The following GLRA1 variants were observed in gnomAD, a reference collection of about 807,000 sequenced individuals.
GLRA1 encodes the protein glycine receptor subunit alpha-1.
A neutral mutation model predicts 48.3 loss-of-function variants in GLRA1; 37 were observed. The observed-to-expected ratio is 0.77, with a 90% CI of 0.59 to 1.01. GLRA1 has a LOEUF of 1.01. GLRA1 is among the 50% of genes least tolerant of loss of function. The probability of loss-of-function intolerance (pLI) is 0.00; values close to 1 mark genes in which losing one functional copy is unlikely to be tolerated. For missense variants in GLRA1, 427 were observed against 571.0 expected (o/e 0.75, Z 2.57); for synonymous variants, 196 against 210.7 (o/e 0.93, Z 0.60).
Position 151,892,441 on chromosome 5 carries a change from A to T in GLRA1, c.57-3T>A. On this transcript the variant is annotated splice_region_variant and splice_polypyrimidine_tract_variant and intron_variant, in intron 1 of 8. Coordinates refer to ENST00000274576, the MANE Select transcript of GLRA1 (RefSeq NM_000171.4). ...CAGCCTCCTTAGAAGCAGCAAGGCT[A>T]AGGAGGAAGAGAGGAGAGCAAAAGG... The T allele has an allele frequency of 1.2e-6, 2 of 1,613,928 alleles. No individual in the cohort carries two copies. The highest frequency in any genetic ancestry group is 1.1e-5 in the South Asian group (1 of 91,062).
intron 3 of GLRA1, among the ~76,000 whole-genome samples, chr5:151,879,008 A>G (rs1753694529): frequency 6.6e-6 from 1 of 152,184 alleles, no homozygotes. Context: ...TCCACTGACA[A>G]CTTGCACTGT....
intron 3 of GLRA1, among the ~76,000 whole-genome samples, chr5:151,862,060 A>G (rs1026629564): frequency 6.6e-6 from 1 of 152,238 alleles, no homozygotes; most frequent in Non-Finnish European, 1.5e-5. Context: ...CCAAAACAAC[A>G]TTGTACTGGT....
intron 7 of GLRA1, among the ~76,000 whole-genome samples, chr5:151,845,828 A>G (rs1752659787): frequency 6.6e-6 from 1 of 152,254 alleles, no homozygotes; most frequent in Non-Finnish European, 1.5e-5. Context: ...TAACTGCTGA[A>G]TGGATAACAA....
At chr5:151,915,390 A>G (rs567214569) in intron 1 of GLRA1, among the ~76,000 whole-genome samples, 1 of 152,286 alleles carries the variant, frequency 6.6e-6, no homozygotes, top group South Asian at 2.1e-4. Flanking sequence ...AGTTCTTATT[A>G]TCTACTTGGA....
rs182733102 is a variant in GLRA1 at position 151,870,337 on chromosome 5, T to C, written c.253-10329A>G. On this transcript the variant is annotated intron_variant, in intron 3 of 8. Transcript: ENST00000274576. ...CCTGGAAAGAGGAAAGCTGATAGTG[T>C]TGGCAGTGCAGGGCACAATGGTGAG... Among the ~76,000 whole-genome samples, 21 of 149,786 alleles carry C rather than the reference T, an allele frequency of 1.4e-4. No homozygotes were observed. In the East Asian group the frequency reaches 3.7e-3, roughly 26 times the overall value.
intron 7 of GLRA1, among the ~76,000 whole-genome samples, chr5:151,842,447 T>C (rs1763735557): frequency 6.6e-6 from 1 of 151,760 alleles, no homozygotes; most frequent in Non-Finnish European, 1.5e-5. Flanking sequence ...AGGAATGCAA[T>C]GTTAGTTGAA....
At chr5:151,918,191 G>A (rs1380546228) in intron 1 of GLRA1, among the ~76,000 whole-genome samples, 2 of 152,180 alleles carry the variant, frequency 1.3e-5, no homozygotes, top group East Asian at 1.9e-4. Flanking sequence ...GTGTGGATAA[G>A]CCCCTCTCCC....
intron 3 of GLRA1, among the ~76,000 whole-genome samples, chr5:151,883,507 A>G (rs1382254988): frequency 6.6e-6 from 1 of 152,112 alleles, no homozygotes; most frequent in African/African-American, 2.4e-5. Context: ...ATCTGTACAA[A>G]CCTCCGTTTC....
At chr5:151,921,483 C>CAA (rs1283080856) in intron 1 of GLRA1, among the ~76,000 whole-genome samples, 1 of 152,220 alleles carries the variant, frequency 6.6e-6, no homozygotes, top group Non-Finnish European at 1.5e-5. Flanking sequence ...AAACATCCCA[C>CAA]AATGCCCAGG....
Position 151,886,884 on chromosome 5 carries a change from G to A in GLRA1, c.185-96C>T, listed in dbSNP as rs115056779. On this transcript the variant is annotated intron_variant, in intron 2 of 8. Coordinates refer to ENST00000274576, the MANE Select transcript of GLRA1 (RefSeq NM_000171.4). ...AGAACACTGACTTCTGGAATGGATC[G>A]CCTTTGGTGGAGGAGATCCTTGCTT... 2,007 of 901,038 alleles carry A rather than the reference G, an allele frequency of 2.2e-3. 42 individuals carry two copies. The African/African-American group carries it at 0.028, about 12-fold the overall frequency. The allele number at this position is 901,038 out of a possible 1,614,324, so 55.8% of individuals were successfully genotyped here.
intron 2 of GLRA1, among the ~76,000 whole-genome samples, chr5:151,890,262 G>T (rs936543781): frequency 3.3e-5 from 5 of 152,124 alleles, no homozygotes; most frequent in African/African-American, 1.2e-4. Context: ...ATTTATGAAG[G>T]TTTACTGGGG....
At chr5:151,874,886 T>C (rs545906753) in intron 3 of GLRA1, among the ~76,000 whole-genome samples, 1 of 152,116 alleles carries the variant, frequency 6.6e-6, no homozygotes, top group South Asian at 2.1e-4. Context: ...CGATTTGCAG[T>C]TTAAAATGAT....
intron 2 of GLRA1, 152 bp from the exon 3 acceptor site, chr5:151,886,940 T>G: frequency 1.4e-6 from 1 of 694,312 alleles, no homozygotes; most frequent in African/African-American, 1.7e-5. Context: ...GCACCTGGGA[T>G]TCCCAGCCAC....
chr5:151,833,752 C>T (rs986944848), intron 7 of GLRA1, among the ~76,000 whole-genome samples: 11 of 129,966 alleles, frequency 8.5e-5, no homozygotes, highest in Middle Eastern at 5.1e-3. Context: ...CATGAGCAAT[C>T]GTGTCTGGCA....
At chr5:151,868,192 A>AG (rs1253269289) in intron 3 of GLRA1, among the ~76,000 whole-genome samples, 2 of 152,214 alleles carry the variant, frequency 1.3e-5, no homozygotes, top group Non-Finnish European at 1.5e-5. Context: ...AGTCTCCCTC[A>AG]GGGGCACACA....
chr5:151,833,796 C>CAAAAAAAAAAAAAAAAAA (rs757336792), intron 7 of GLRA1, among the ~76,000 whole-genome samples: 1 of 64,778 alleles, frequency 1.5e-5, no homozygotes, highest in Non-Finnish European at 2.8e-5. Context: ...AAGTGGAAAG[C>CAAAAAAAAAAAAAAAAAA]AAAAAAAAAA....
At chr5:151,921,784 T>C (rs1754881244) in intron 1 of GLRA1, among the ~76,000 whole-genome samples, 1 of 152,188 alleles carries the variant, frequency 6.6e-6, no homozygotes. Context: ...AACATTTAGG[T>C]TATTGACTCT....
rs747595543 is a variant in GLRA1, at chr5:151,924,563, G to A, written c.-14C>T. 1.8e-5 allele frequency: 28 copies of A among 1,560,208 alleles called. No individual in the cohort carries two copies. In the East Asian group the frequency reaches 6.0e-4, roughly 34 times the overall value. ...GAAGCTGTACATTTTTCAGGTCCTTGTGCTTTGTAGTCCACGAGTTATGGG... is the reference window on the plus strand; with the variant it reads ...GAAGCTGTACATTTTTCAGGTCCTTATGCTTTGTAGTCCACGAGTTATGGG... On this transcript the variant is annotated 5_prime_UTR_variant, in exon 1 of 9. Transcript: ENST00000274576.
intron 1 of GLRA1, 110 bp downstream of exon 1, chr5:151,924,384 G>T: frequency 1.2e-6 from 1 of 800,878 alleles, no homozygotes; most frequent in Non-Finnish European, 2.3e-6. Context: ...GATTGCAGTG[G>T]AATACAGCAC....
Sources: gnomAD v4.1 joint callset for allele counts (sites outside exome capture counted in the v4.1 genomes callset) on GRCh38, gnomAD v4.1.1 for gene constraint, MANE v1.5 for transcripts, NCBI Gene and HGNC (gene_info 2026-07-23, HGNC 2026-07-21) for gene names.